Variants in RGPD2 observed in about 807,000 individuals in gnomAD.
The protein encoded by RGPD2 is RANBP2 like and GRIP domain containing 2.
Under a neutral mutation model 36.0 loss-of-function variants are expected in RGPD2, and 2 were observed. The observed-to-expected ratio is 0.06, with a 90% confidence interval of 0.02 to 0.17. The LOEUF (loss-of-function observed/expected upper bound fraction) is 0.17, where lower values mean the gene tolerates loss of function less well. Among genes scored for constraint, RGPD2 ranks in the 10% least tolerant of loss-of-function variants. The pLI, the probability that RGPD2 is intolerant of heterozygous loss-of-function variation, is 1.00. For missense variants in RGPD2, 40 were observed against 464.3 expected (o/e 0.09, Z 8.40); for synonymous variants, 19 against 163.8 (o/e 0.12, Z 6.75).
At chr2:87,985,668 A>G in the RGPD2 span, 13 of 1,389,002 alleles carry the variant, frequency 9.4e-6, no homozygotes, top group African/African-American at 8.7e-5. Flanking sequence ...TATATTACCA[A>G]TTATGCAACC....
the RGPD2 span, among the ~76,000 whole-genome samples, chr2:87,964,676 CTGAA>C: frequency 6.7e-5 from 10 of 149,818 alleles, no homozygotes; most frequent in African/African-American, 2.2e-4. Context: ...TCAGTAATGA[CTGAA>C]TGAAGTTAAA....
chr2:87,984,847 A>G, the RGPD2 span, among the ~76,000 whole-genome samples: 1 of 151,040 alleles, frequency 6.6e-6, no homozygotes, highest in Non-Finnish European at 1.5e-5. Flanking sequence ...GGAAAATGGC[A>G]TGAACCCAGG....
the RGPD2 span, among the ~76,000 whole-genome samples, chr2:87,930,552 G>A: frequency 6.6e-6 from 1 of 151,870 alleles, no homozygotes. Context: ...TCTCTGGCAG[G>A]TTTTGGAATC....
the RGPD2 span, among the ~76,000 whole-genome samples, chr2:87,866,293 A>T: frequency 9.9e-5 from 15 of 152,146 alleles, no homozygotes; most frequent in Admixed American, 9.2e-4. Flanking sequence ...GTAGAATTGA[A>T]TGGACAAATC....
chr2:87,964,946 T>C, the RGPD2 span, among the ~76,000 whole-genome samples: 3 of 151,960 alleles, frequency 2.0e-5, no homozygotes, highest in African/African-American at 7.2e-5. Context: ...ATATGTATAG[T>C]TCTCTTGATT....
the RGPD2 span, among the ~76,000 whole-genome samples, chr2:87,915,345 A>G: frequency 7.5e-6 from 1 of 134,068 alleles, no homozygotes; most frequent in South Asian, 2.2e-4. Flanking sequence ...TATATAATGT[A>G]TATTATATAT....
At chr2:87,966,180 T>C in the RGPD2 span, among the ~76,000 whole-genome samples, 1 of 152,378 alleles carries the variant, frequency 6.6e-6, no homozygotes, top group South Asian at 2.1e-4. Flanking sequence ...ATTCTGGTTA[T>C]TCTTGTCTCA....
the RGPD2 span, among the ~76,000 whole-genome samples, chr2:87,971,506 T>C: frequency 8.0e-6 from 1 of 124,506 alleles, no homozygotes; most frequent in Non-Finnish European, 1.7e-5. Flanking sequence ...TGTCTATATG[T>C]CTAACTACCA....
At chr2:87,769,529 T>TA (rs2104245289) in intron 22 of RGPD2, among the ~76,000 whole-genome samples, 1 of 150,206 alleles carries the variant, frequency 6.7e-6, no homozygotes, top group Non-Finnish European at 1.5e-5. Context: ...TGGTATCCCT[T>TA]AGGTTAGTCT....
chr2:87,825,702 G>T lies in RGPD2; in HGVS notation c.28C>A (p.Arg10=). 6.2e-7 allele frequency: 1 copy of T among 1,600,186 alleles called. No homozygotes were observed. Among genetic ancestry groups the T allele is most frequent in the Non-Finnish European group, 8.5e-7 (1 of 1,174,800 alleles). The part of the protein sequence containing the change: MRRSKAYGE[R]YLASVQGSAP... Reference sequence around the variant, plus strand: ...GAGCCCTGCACCGAGGCGAGGTACCGCTCCCCGTAGGCTTTGCTGCGCCTC... The same window carrying T: ...GAGCCCTGCACCGAGGCGAGGTACCTCTCCCCGTAGGCTTTGCTGCGCCTC... The change falls in exon 1 of 23, where the codon CGG becomes AGG. Residue 10 remains arginine (R), a synonymous_variant. Coordinates refer to ENST00000398146, the MANE Select transcript of RGPD2 (RefSeq NM_001078170.3).
the RGPD2 span, among the ~76,000 whole-genome samples, chr2:87,973,875 G>A: frequency 6.8e-6 from 1 of 147,564 alleles, no homozygotes; most frequent in Non-Finnish European, 1.5e-5. Flanking sequence ...TTCATGTAAA[G>A]CACTTAAAAC....
chr2:87,836,509 A>G, the RGPD2 span, among the ~76,000 whole-genome samples: 1 of 151,654 alleles, frequency 6.6e-6, no homozygotes, highest in Admixed American at 6.6e-5. Flanking sequence ...ACTACACTTC[A>G]TAAGTGAAGG....
chr2:87,825,870 C>T (rs970778568), upstream of RGPD2: 20 of 1,085,754 alleles, frequency 1.8e-5, no homozygotes, highest in African/African-American at 6.6e-5. Context: ...ACTGCGTCAG[C>T]ACTGTGTATC....
the RGPD2 span, among the ~76,000 whole-genome samples, chr2:87,957,961 T>C: frequency 2.0e-5 from 3 of 152,280 alleles, no homozygotes; most frequent in Non-Finnish European, 4.4e-5. Context: ...CATGAACAAA[T>C]GGTTTCTTTA....
chr2:87,827,326 G>A (rs1471669487), upstream of RGPD2, among the ~76,000 whole-genome samples: 2 of 152,266 alleles, frequency 1.3e-5, no homozygotes. Context: ...TTATTGTATG[G>A]CAGAAGGAGA....
chr2:87,881,895 A>G, the RGPD2 span, among the ~76,000 whole-genome samples: 4 of 152,152 alleles, frequency 2.6e-5, no homozygotes, highest in African/African-American at 9.7e-5. Flanking sequence ...GAAGCCTGGT[A>G]CCAGCATATG....
chr2:87,933,453 A>G, the RGPD2 span, among the ~76,000 whole-genome samples: 1 of 138,724 alleles, frequency 7.2e-6, no homozygotes, highest in Non-Finnish European at 1.6e-5. Flanking sequence ...ATAAAAGCAG[A>G]CATAGTCCCT....
chr2:87,960,960 A>G, the RGPD2 span, among the ~76,000 whole-genome samples: 1 of 124,092 alleles, frequency 8.1e-6, no homozygotes, highest in African/African-American at 3.1e-5. Context: ...AAGATCAGAC[A>G]TTGGCCCTCA....
chr2:87,756,566 G>A lies in RGPD2; in HGVS notation c.*826C>T. On this transcript the variant is annotated 3_prime_UTR_variant, in exon 23 of 23. Coordinates refer to ENST00000398146, the MANE Select transcript of RGPD2 (RefSeq NM_001078170.3). The stretch of plus-strand genomic sequence containing the variant: ...TGATGGCCAAGCCTCTGGCTGCACT[G>A]TGCCCCGTGTGTCCCCAGCATCCTG... The A allele has an allele frequency of 2.8e-6, 1 of 356,788 alleles. No homozygotes were observed. Among genetic ancestry groups the A allele is most frequent in the Non-Finnish European group, 5.4e-6 (1 of 186,606 alleles). The allele number at this position is 356,788 out of a possible 1,614,324, so 22.1% of individuals were successfully genotyped here. A position where few individuals can be genotyped will look rare whatever the true frequency, so the allele number is the denominator to read the frequency against.
Sources: gnomAD v4.1 joint callset for allele counts (sites outside exome capture counted in the v4.1 genomes callset) on GRCh38, gnomAD v4.1.1 for gene constraint, MANE v1.5 for transcripts, NCBI Gene and HGNC (gene_info 2026-07-23, HGNC 2026-07-21) for gene names.